GFOD2: variants seen among roughly 807,000 people sequenced by gnomAD.
GFOD2 encodes glucose-fructose oxidoreductase domain-containing protein 2.
A neutral mutation model predicts 24.6 loss-of-function variants in GFOD2; 9 were observed. That is an observed-to-expected ratio of 0.37 (90% CI 0.22 to 0.64). The LOEUF is 0.64. Among genes scored for constraint, GFOD2 ranks in the 30% least tolerant of loss-of-function variants. The probability of loss-of-function intolerance (pLI) is 0.65; values close to 1 mark genes in which losing one functional copy is unlikely to be tolerated. For synonymous variants in GFOD2, 211 were observed against 224.8 expected (o/e 0.94, Z 0.55); for missense variants, 476 against 532.5 (o/e 0.89, Z 1.04).
intron 1 of GFOD2, among the ~76,000 whole-genome samples, chr16:67,688,136 C>A (rs1247911820): frequency 6.6e-6 from 1 of 151,908 alleles, no homozygotes; most frequent in East Asian, 1.9e-4. Context: ...CCCTCAATAA[C>A]CTGAAAGACA....
chr16:67,711,925 T>G (rs1329915076), intron 1 of GFOD2, among the ~76,000 whole-genome samples: 1 of 152,198 alleles, frequency 6.6e-6, no homozygotes, highest in East Asian at 1.9e-4. Flanking sequence ...TTCAGGTCTC[T>G]ACTTCCATGT....
chr16:67,709,306 GAAAAA>G (rs576502749), intron 1 of GFOD2, among the ~76,000 whole-genome samples: 1 of 121,586 alleles, frequency 8.2e-6, no homozygotes, highest in Non-Finnish European at 1.8e-5. Flanking sequence ...TATCTCAAAA[GAAAAA>G]AAAAAAAAAG....
At chr16:67,716,964 T>A (rs895226574) in intron 1 of GFOD2, among the ~76,000 whole-genome samples, 3 of 152,210 alleles carry the variant, frequency 2.0e-5, no homozygotes, top group Non-Finnish European at 4.4e-5. Flanking sequence ...TGGCGCGATC[T>A]CGACTCACTG....
intron 1 of GFOD2, among the ~76,000 whole-genome samples, chr16:67,696,148 C>T (rs2142995674): frequency 6.6e-6 from 1 of 151,290 alleles, no homozygotes; most frequent in African/African-American, 2.4e-5. Flanking sequence ...CAAGTAGCTG[C>T]GATTACAGGA....
At chr16:67,689,741 C>T (rs1262475222) in intron 1 of GFOD2, among the ~76,000 whole-genome samples, 68 of 152,080 alleles carry the variant, frequency 4.5e-4, no homozygotes, top group Non-Finnish European at 7.4e-5. Flanking sequence ...CACCACCACC[C>T]TGGTGGATGG....
chr16:67,718,447 A>G (rs1385747668), intron 1 of GFOD2, among the ~76,000 whole-genome samples: 1 of 151,932 alleles, frequency 6.6e-6, no homozygotes, highest in Non-Finnish European at 1.5e-5. Flanking sequence ...TGGAGGGTAA[A>G]CTCTTCACAC....
intron 2 of GFOD2, chr16:67,682,898 T>TG: frequency 3.4e-6 from 3 of 878,124 alleles, no homozygotes; most frequent in Non-Finnish European, 4.1e-6. Context: ...CTGCAAGGCT[T>TG]GTTCAGACAC....
intron 2 of GFOD2, among the ~76,000 whole-genome samples, chr16:67,678,705 A>T (rs2053202113): frequency 6.6e-6 from 1 of 152,200 alleles, no homozygotes; most frequent in Non-Finnish European, 1.5e-5. Flanking sequence ...ACTGTAAAGC[A>T]GGATTTTACA....
At chr16:67,706,673 C>G (rs1226914631) in intron 1 of GFOD2, among the ~76,000 whole-genome samples, 1 of 152,058 alleles carries the variant, frequency 6.6e-6, no homozygotes, top group Non-Finnish European at 1.5e-5. Flanking sequence ...ACACAAAAAG[C>G]ACTAACTCAT....
chr16:67,690,133 C>T (rs917282017), intron 1 of GFOD2, among the ~76,000 whole-genome samples: 1 of 152,152 alleles, frequency 6.6e-6, no homozygotes, highest in African/African-American at 2.4e-5. Flanking sequence ...CTGATATGAA[C>T]ATGGTGTACA....
At chr16:67,692,493 T>TC (rs1424331464) in intron 1 of GFOD2, among the ~76,000 whole-genome samples, 1 of 151,874 alleles carries the variant, frequency 6.6e-6, no homozygotes, top group African/African-American at 2.4e-5. Flanking sequence ...GGCAGGAGAA[T>TC]CGTTTGAACC....
At chr16:67,708,645 A>G (rs926425693) in intron 1 of GFOD2, among the ~76,000 whole-genome samples, 2 of 152,192 alleles carry the variant, frequency 1.3e-5, no homozygotes, top group Non-Finnish European at 1.5e-5. Flanking sequence ...AGGTTGGGCA[A>G]TAAGACTTGG....
intron 1 of GFOD2, among the ~76,000 whole-genome samples, chr16:67,710,419 C>G (rs1179895603): frequency 6.6e-6 from 1 of 152,104 alleles, no homozygotes; most frequent in African/African-American, 2.4e-5. Context: ...TGGAGAAGTG[C>G]AGTGGTGCGA....
At chr16:67,676,169 T>G in intron 2 of GFOD2, 116 bp from the exon 3 acceptor site, 2 of 1,090,322 alleles carry the variant, frequency 1.8e-6, no homozygotes. Context: ...CTAATTTTTT[T>G]TTCTTTTTTG....
intron 1 of GFOD2, among the ~76,000 whole-genome samples, chr16:67,696,480 TTTTTTTC>T (rs1395832201): frequency 6.6e-6 from 1 of 151,858 alleles, no homozygotes; most frequent in Non-Finnish European, 1.5e-5. Flanking sequence ...GGACTAGAAT[TTTTTTTC>T]TTTTTTGAGA....
intron 1 of GFOD2, among the ~76,000 whole-genome samples, chr16:67,702,889 C>A (rs1008876495): frequency 2.6e-5 from 4 of 151,934 alleles, no homozygotes; most frequent in Non-Finnish European, 5.9e-5. Context: ...TAAGACACTG[C>A]GCCCGGCCAG....
intron 1 of GFOD2, among the ~76,000 whole-genome samples, chr16:67,706,219 T>C (rs2053438365): frequency 6.6e-6 from 1 of 152,018 alleles, no homozygotes; most frequent in Non-Finnish European, 1.5e-5. Context: ...TTGTGAGATC[T>C]GCCTGCCTCG....
intron 1 of GFOD2, among the ~76,000 whole-genome samples, chr16:67,696,764 C>G (rs1326274774): frequency 6.6e-6 from 1 of 152,200 alleles, no homozygotes; most frequent in Non-Finnish European, 1.5e-5. Flanking sequence ...TGAGCCACTG[C>G]GCCCGGCCGA....
At chr16:67,688,567 T>C (rs1413281434) in intron 1 of GFOD2, among the ~76,000 whole-genome samples, 1 of 151,880 alleles carries the variant, frequency 6.6e-6, no homozygotes, top group Non-Finnish European at 1.5e-5. Context: ...ATCCAACATT[T>C]CCCCCAGCTA....
Sources: gnomAD v4.1 joint callset for allele counts (sites outside exome capture counted in the v4.1 genomes callset) on GRCh38, gnomAD v4.1.1 for gene constraint, MANE v1.5 for transcripts, NCBI Gene and HGNC (gene_info 2026-07-23, HGNC 2026-07-21) for gene names.